MID1: variants seen among roughly 807,000 people sequenced by gnomAD.
The protein encoded by MID1 is E3 ubiquitin-protein ligase Midline-1.
MID1 carries 7 observed loss-of-function variants against 40.4 expected under a neutral mutation model. That is an observed-to-expected ratio of 0.17 (90% CI 0.10 to 0.33). The LOEUF (loss-of-function observed/expected upper bound fraction) is 0.33, where lower values mean the gene tolerates loss of function less well. MID1 is among the 10% of genes least tolerant of loss of function. The pLI is 1.00. For synonymous variants in MID1, 229 were observed against 221.2 expected, an observed-to-expected ratio of 1.04 and a Z score of -0.31; for missense variants, 367 against 558.5, an observed-to-expected ratio of 0.66 and a Z score of 3.46.
chrX:10,806,714 A>T (rs1393471876), intron 1 of MID1, among the ~76,000 whole-genome samples: 1 of 112,394 alleles, frequency 8.9e-6, no homozygotes. Flanking sequence ...TTTTCACATT[A>T]TCAGTCAGAT....
At chrX:10,780,376 G>A (rs2043837287) in intron 1 of MID1, among the ~76,000 whole-genome samples, 1 of 111,671 alleles carries the variant, frequency 9.0e-6, no homozygotes, top group African/African-American at 3.3e-5. Context: ...GTGGCTTTCA[G>A]AATTTATCTC....
intron 1 of MID1, among the ~76,000 whole-genome samples, chrX:10,779,023 T>C (rs775546014): frequency 3.5e-5 from 4 of 112,779 alleles, no homozygotes; most frequent in Non-Finnish European, 7.5e-5. Context: ...ACATAGGTCA[T>C]GGCAGATGCC....
chrX:10,590,629 AT>A (rs1192946720), intron 1 of MID1, among the ~76,000 whole-genome samples: 1 of 112,466 alleles, frequency 8.9e-6, no homozygotes, highest in African/African-American at 3.2e-5. Flanking sequence ...TGTACTCTAT[AT>A]AAGAACAAAT....
intron 1 of MID1, among the ~76,000 whole-genome samples, chrX:10,604,260 T>G (rs1726714156): frequency 9.0e-6 from 1 of 111,721 alleles, no homozygotes; most frequent in East Asian, 2.8e-4. Flanking sequence ...TAATTAGTCT[T>G]TAAATATAGA....
At chrX:10,509,394 A>C (rs1932000967) in intron 3 of MID1, among the ~76,000 whole-genome samples, 1 of 111,859 alleles carries the variant, frequency 8.9e-6, no homozygotes, top group Non-Finnish European at 1.9e-5. Flanking sequence ...ATTCAAAGTG[A>C]CTATCTAACT....
At chrX:10,465,258 C>T (rs1046972611) in intron 7 of MID1, among the ~76,000 whole-genome samples, 28 of 96,450 alleles carry the variant, frequency 2.9e-4, no homozygotes, top group African/African-American at 8.6e-4. Flanking sequence ...CACACACACA[C>T]ACATACATAT....
chrX:10,562,300 A>G (rs1934371240), intron 2 of MID1, among the ~76,000 whole-genome samples: 1 of 98,451 alleles, frequency 1.0e-5, no homozygotes, highest in African/African-American at 4.2e-5. Context: ...ATGGGTTGAT[A>G]GGTGCAGCAA....
chrX:10,671,985 GA>G (rs1474908901), intron 1 of MID1, among the ~76,000 whole-genome samples: 8 of 111,831 alleles, frequency 7.2e-5, no homozygotes, highest in Middle Eastern at 4.7e-3. Context: ...AGCACTTTGG[GA>G]GGCTGTGGCA....
At chrX:10,809,589 T>G (rs1005606811) in intron 1 of MID1, among the ~76,000 whole-genome samples, 3 of 111,560 alleles carry the variant, frequency 2.7e-5, no homozygotes, top group African/African-American at 9.8e-5. Flanking sequence ...CATGGAATAC[T>G]ATGCAGCCAT....
At chrX:10,715,802 G>A (rs1472188716) in intron 1 of MID1, among the ~76,000 whole-genome samples, 1 of 111,738 alleles carries the variant, frequency 8.9e-6, no homozygotes, top group East Asian at 2.8e-4. Flanking sequence ...CCCCAGTAGG[G>A]GCAGACTGAC....
intron 1 of MID1, among the ~76,000 whole-genome samples, chrX:10,687,099 C>T (rs1397651722): frequency 9.0e-6 from 1 of 111,728 alleles, no homozygotes; most frequent in African/African-American, 3.3e-5. Context: ...ACTAACAGAA[C>T]ACCCAAATTT....
chrX:10,782,803 A>G, intron 1 of MID1, among the ~76,000 whole-genome samples: 1 of 112,143 alleles, frequency 8.9e-6, no homozygotes, highest in Non-Finnish European at 1.9e-5. Context: ...TCAAAAATTT[A>G]AAACAGTAAT....
chrX:10,483,774 A>C (rs1443637289), intron 4 of MID1, among the ~76,000 whole-genome samples: 1 of 112,091 alleles, frequency 8.9e-6, no homozygotes, highest in Non-Finnish European at 1.9e-5. Flanking sequence ...TATAACTCTA[A>C]TCTAAGAAAA....
chrX:10,801,177 A>C (rs1602585680), intron 1 of MID1, among the ~76,000 whole-genome samples: 1 of 111,410 alleles, frequency 9.0e-6, no homozygotes, highest in East Asian at 2.8e-4. Context: ...TTTAAAAAGT[A>C]GTCAAAGCTT....
intron 1 of MID1, among the ~76,000 whole-genome samples, chrX:10,658,264 C>G (rs1298043123): frequency 2.8e-5 from 3 of 108,084 alleles, no homozygotes; most frequent in African/African-American, 1.0e-4. Flanking sequence ...TCTGAGATCC[C>G]TCAAGCATGA....
chrX:10,485,684 A>C (rs907537659), intron 4 of MID1, among the ~76,000 whole-genome samples: 2 of 111,944 alleles, frequency 1.8e-5, no homozygotes, highest in Non-Finnish European at 3.8e-5. Context: ...TTTGCTTGAA[A>C]TGCGTTTTAA....
chrX:10,517,662 T>C (rs1388836661), intron 3 of MID1, among the ~76,000 whole-genome samples: 1 of 112,068 alleles, frequency 8.9e-6, no homozygotes, highest in Non-Finnish European at 1.9e-5. Flanking sequence ...CCTTCTTCCA[T>C]GCTTTCCATT....
At chrX:10,696,527 G>A (rs2043164823) in intron 1 of MID1, among the ~76,000 whole-genome samples, 1 of 111,326 alleles carries the variant, frequency 9.0e-6, no homozygotes, top group African/African-American at 3.3e-5. Flanking sequence ...TCTACAACTC[G>A]CCTCAGTCTC....
intron 1 of MID1, among the ~76,000 whole-genome samples, chrX:10,816,965 A>G (rs1180244703): frequency 3.6e-5 from 4 of 111,857 alleles, no homozygotes; most frequent in African/African-American, 1.3e-4. Context: ...GAAATTTTCT[A>G]GTTAAGAAAC....
Sources: allele counts gnomAD v4.1 joint callset (sites outside exome capture counted in the v4.1 genomes callset), GRCh38; gene constraint gnomAD v4.1.1; transcripts MANE v1.5; gene names NCBI Gene and HGNC (gene_info 2026-07-23, HGNC 2026-07-21).